Variants in NPAS2 observed in about 807,000 individuals in gnomAD.
NPAS2 encodes neuronal PAS domain-containing protein 2.
In NPAS2, 23 loss-of-function variants were observed where a neutral mutation model predicts 107.5. That is an observed-to-expected ratio of 0.21 (90% CI 0.15 to 0.30). NPAS2 has a LOEUF of 0.30. NPAS2 is among the 10% of genes least tolerant of loss of function. The probability of loss-of-function intolerance (pLI) is 1.00; values close to 1 mark genes in which losing one functional copy is unlikely to be tolerated. For synonymous variants in NPAS2, 403 were observed against 417.5 expected (o/e 0.97, Z 0.42); for missense variants, 756 against 1,043.3 (o/e 0.72, Z 3.79).
chr2:100,952,674 G>T (rs1382246486), intron 7 of NPAS2, among the ~76,000 whole-genome samples: 2 of 152,010 alleles, frequency 1.3e-5, no homozygotes, highest in Non-Finnish European at 2.9e-5. Context: ...AGATGCTGCT[G>T]AATATCCCTT....
intron 1 of NPAS2, among the ~76,000 whole-genome samples, chr2:100,878,926 C>T (rs919414466): frequency 2.0e-5 from 3 of 152,184 alleles, no homozygotes; most frequent in South Asian, 2.1e-4. Flanking sequence ...CAAGACCAGC[C>T]TCGCCAACAT....
At chr2:100,922,489 A>C (rs1035658637) in intron 2 of NPAS2, among the ~76,000 whole-genome samples, 3 of 152,290 alleles carry the variant, frequency 2.0e-5, no homozygotes, top group Admixed American at 6.5e-5. Flanking sequence ...ACGCTGAGGC[A>C]GGAGAATCCC....
chr2:100,878,616 T>C, intron 1 of NPAS2: 1 of 985,440 alleles, frequency 1.0e-6, no homozygotes, highest in Non-Finnish European at 1.2e-6. Flanking sequence ...CTTTCAGCTA[T>C]CTGCTAACAG....
chr2:100,848,260 C>G (rs1012056669), intron 1 of NPAS2, among the ~76,000 whole-genome samples: 2 of 152,116 alleles, frequency 1.3e-5, no homozygotes, highest in African/African-American at 4.8e-5. Context: ...TCTGCCCAGC[C>G]CTGCTTTTCC....
intron 1 of NPAS2, chr2:100,901,564 G>A: frequency 1.0e-6 from 1 of 984,914 alleles, no homozygotes. Flanking sequence ...AGAGGATCCT[G>A]CAGACATGGC....
chr2:100,935,182 A>G (rs1419406438), intron 4 of NPAS2: 2 of 803,510 alleles, frequency 2.5e-6, no homozygotes, highest in African/African-American at 3.7e-5. Context: ...GAGCAGTTGC[A>G]CTCAAAAGGA....
At chr2:100,826,017 G>T (rs1676350978) in intron 1 of NPAS2, among the ~76,000 whole-genome samples, 1 of 152,206 alleles carries the variant, frequency 6.6e-6, no homozygotes, top group Non-Finnish European at 1.5e-5. Flanking sequence ...AGCAAACTGA[G>T]CTAGTTTTTC....
intron 15 of NPAS2, among the ~76,000 whole-genome samples, chr2:100,979,605 C>G (rs977418981): frequency 3.1e-4 from 45 of 147,124 alleles, no homozygotes; most frequent in Admixed American, 6.2e-4. Flanking sequence ...CCTCCACCTC[C>G]TGGGTTCCAG....
chr2:100,996,078 C>A lies in NPAS2; in HGVS notation c.*496C>A. ...AAATGGTTGTTTTTGTTTTAATTTGCACAGCTACACAGAGGAAATAACTTA... is the reference window on the plus strand; with the variant it reads ...AAATGGTTGTTTTTGTTTTAATTTGAACAGCTACACAGAGGAAATAACTTA... On this transcript the variant is annotated 3_prime_UTR_variant, in exon 21 of 21. Coordinates refer to ENST00000335681, the MANE Select transcript of NPAS2 (RefSeq NM_002518.4). 2 of 701,594 alleles carry A rather than the reference C, an allele frequency of 2.9e-6. No homozygotes were observed. The highest frequency in any genetic ancestry group is 3.9e-6 in the Non-Finnish European group (2 of 512,792). 43.5% of individuals were successfully genotyped at this position (701,594 alleles called of 1,614,324 possible).
intron 1 of NPAS2, among the ~76,000 whole-genome samples, chr2:100,839,367 G>A (rs370260179): frequency 3.3e-5 from 5 of 152,130 alleles, no homozygotes; most frequent in African/African-American, 1.2e-4. Flanking sequence ...GACCTCAGGT[G>A]ATCCACCTGC....
At chr2:100,826,889 CAT>C (rs1041747427) in intron 1 of NPAS2, among the ~76,000 whole-genome samples, 60 of 152,266 alleles carry the variant, frequency 3.9e-4, no homozygotes, top group African/African-American at 1.3e-3. Context: ...TGCATTTTCA[CAT>C]GTTTGAGGTA....
Position 100,932,897 on chromosome 2 carries a change from G to A in NPAS2, c.182-13G>A, listed in dbSNP as rs1351405351. 4 of 1,598,124 alleles carry A rather than the reference G, an allele frequency of 2.5e-6. No homozygotes were observed. The highest frequency in any genetic ancestry group is 1.7e-5 in the Admixed American group (1 of 59,928). On this transcript the variant is annotated splice_polypyrimidine_tract_variant and intron_variant, in intron 3 of 20. Coordinates refer to ENST00000335681, the MANE Select transcript of NPAS2 (RefSeq NM_002518.4). ...CCATTGAATATAAAGGCTTATTTGT[G>A]TCTCTTTTCTAGAAGTCTCAGCGCA...
intron 5 of NPAS2, among the ~76,000 whole-genome samples, chr2:100,941,923 T>A (rs746888819): frequency 3.3e-5 from 5 of 152,218 alleles, no homozygotes; most frequent in Non-Finnish European, 7.3e-5. Context: ...TGGATCGTGC[T>A]AAGCTCTTAA....
intron 19 of NPAS2, among the ~76,000 whole-genome samples, chr2:100,992,911 T>G (rs114724732): frequency 6.6e-6 from 1 of 152,002 alleles, no homozygotes; most frequent in African/African-American, 2.4e-5. Flanking sequence ...TGATAGTGTC[T>G]TTTGATGGAC....
At chr2:100,891,992 G>A (rs975330470) in intron 1 of NPAS2, among the ~76,000 whole-genome samples, 1 of 152,134 alleles carries the variant, frequency 6.6e-6, no homozygotes, top group African/African-American at 2.4e-5. Context: ...AGCATGACTC[G>A]TAAATCTCCT....
intron 7 of NPAS2, among the ~76,000 whole-genome samples, chr2:100,951,749 A>G (rs1479046838): frequency 1.3e-5 from 2 of 152,114 alleles, no homozygotes; most frequent in Admixed American, 6.5e-5. Context: ...CTTGAGGTGG[A>G]TGGTGGGATG....
chr2:100,824,012 G>GA (rs1676226531), intron 1 of NPAS2, among the ~76,000 whole-genome samples: 1 of 152,188 alleles, frequency 6.6e-6, no homozygotes, highest in Admixed American at 6.5e-5. Context: ...GTCCTTGTCA[G>GA]AAAAACAGTG....
At chr2:100,944,774 C>A (rs977205683) in intron 5 of NPAS2, among the ~76,000 whole-genome samples, 7 of 152,164 alleles carry the variant, frequency 4.6e-5, no homozygotes, top group African/African-American at 1.7e-4. Context: ...ATACCTGCCC[C>A]TACTTGCATC....
rs193060045 is a variant in NPAS2, at chr2:100,927,858, G to A, written c.181+2564G>A. On this transcript the variant is annotated intron_variant, in intron 3 of 20. Transcript: ENST00000335681. ...GGATGTTACAAAAAGTCACAGAATAGTTAAGAGGGCTCAGAACCTATTAGC... is the reference window on the plus strand; with the variant it reads ...GGATGTTACAAAAAGTCACAGAATAATTAAGAGGGCTCAGAACCTATTAGC... Among the ~76,000 whole-genome samples the A allele has an allele frequency of 5.3e-5, 8 of 152,270 alleles. No individual in the cohort carries two copies. In the East Asian group the frequency reaches 1.5e-3, roughly 29 times the overall value.
Sources: gnomAD v4.1 joint callset for allele counts (sites outside exome capture counted in the v4.1 genomes callset) on GRCh38, gnomAD v4.1.1 for gene constraint, MANE v1.5 for transcripts, NCBI Gene and HGNC (gene_info 2026-07-23, HGNC 2026-07-21) for gene names.